The following HAVCR1 variants were observed in gnomAD, a reference collection of about 807,000 sequenced individuals.
HAVCR1 encodes the protein T cell immunoglobin domain and mucin domain protein 1.
In HAVCR1, 34 loss-of-function variants were observed where a neutral mutation model predicts 32.0. The ratio of observed to expected loss-of-function variants is 1.06; its 90% confidence interval spans 0.81 to 1.42. HAVCR1 has a LOEUF of 1.42. Ranked by LOEUF, HAVCR1 falls within the 40% of genes most tolerant of loss-of-function variation. HAVCR1 has a pLI of 0.00. For missense variants in HAVCR1, 420 were observed against 442.3 expected (o/e 0.95, Z 0.45); for synonymous variants, 178 against 170.3 (o/e 1.05, Z -0.35).
At chr5:157,061,185 G>A (rs949804246), upstream of HAVCR1, among the ~76,000 whole-genome samples, 12 of 151,976 alleles carry the variant, frequency 7.9e-5, 1 homozygote, top group Admixed American at 2.6e-4. Context: ...GGTGTGAGCC[G>A]CCATGCCTGG....
intron 5 of HAVCR1, among the ~76,000 whole-genome samples, chr5:157,045,227 C>T: frequency 6.6e-6 from 1 of 151,356 alleles, no homozygotes; most frequent in East Asian, 1.9e-4. Flanking sequence ...CTCAAAATAT[C>T]TTAGTATTTG....
At chr5:157,050,003 T>C (rs1332612597) in intron 4 of HAVCR1, among the ~76,000 whole-genome samples, 2 of 152,242 alleles carry the variant, frequency 1.3e-5, no homozygotes, top group Admixed American at 6.5e-5. Context: ...AGCATTTACA[T>C]GATTCCCTTC....
upstream of HAVCR1, among the ~76,000 whole-genome samples, chr5:157,059,770 G>A (rs1756429834): frequency 6.6e-6 from 1 of 152,190 alleles, no homozygotes; most frequent in Admixed American, 6.5e-5. Flanking sequence ...GATCACCTGA[G>A]GTAAGGAGTT....
At chr5:157,066,930 T>A in the HAVCR1 span, among the ~76,000 whole-genome samples, 1 of 151,896 alleles carries the variant, frequency 6.6e-6, no homozygotes, top group Non-Finnish European at 1.5e-5. Context: ...CTACTAAAAA[T>A]ACAAAATTAG....
chr5:157,047,034 C>T (rs1376185585), intron 5 of HAVCR1, among the ~76,000 whole-genome samples: 1 of 152,152 alleles, frequency 6.6e-6, no homozygotes, highest in Non-Finnish European at 1.5e-5. Context: ...TGCATGGTTC[C>T]TGGCTCATAA....
rs1032762669 is a variant in HAVCR1 at position 157,058,991 on chromosome 5, T to G, written c.-83A>C. 1 of 152,208 alleles carries G rather than the reference T, an allele frequency of 6.6e-6. No homozygotes were observed. Among genetic ancestry groups the G allele is most frequent in the Non-Finnish European group, 1.5e-5 (1 of 68,038 alleles). 9.4% of individuals were successfully genotyped at this position (152,208 alleles called of 1,614,324 possible). On this transcript the variant is annotated 5_prime_UTR_variant, in exon 1 of 9. Coordinates refer to ENST00000523175, the MANE Select transcript of HAVCR1 (RefSeq NM_001173393.3). ...AGTTCCTGAGTTCTCTTCAAACCTC[T>G]ATTTCCTCAGTTGTAAAATAGCACT...
At chr5:157,030,447 C>T (rs765485620) in intron 8 of HAVCR1, among the ~76,000 whole-genome samples, 17 of 152,160 alleles carry the variant, frequency 1.1e-4, no homozygotes, top group Admixed American at 2.6e-4. Flanking sequence ...AGGAGGATCC[C>T]TTGAGGCCAG....
intron 2 of HAVCR1, among the ~76,000 whole-genome samples, chr5:157,057,407 G>GAAAGAAAT (rs1294821606): frequency 3.1e-5 from 3 of 97,662 alleles, no homozygotes; most frequent in African/African-American, 1.0e-4. Context: ...AAGAAAGAAA[G>GAAAGAAAT]AAAGAAAGAA....
chr5:157,029,570 T>G lies in HAVCR1; in HGVS notation c.*163A>C. 2 of 1,526,120 alleles carry G rather than the reference T, an allele frequency of 1.3e-6. No homozygotes were observed. Among genetic ancestry groups the G allele is most frequent in the Non-Finnish European group, 1.8e-6 (2 of 1,136,354 alleles). 94.5% of individuals were successfully genotyped at this position (1,526,120 alleles called of 1,614,324 possible). A position where few individuals can be genotyped will look rare whatever the true frequency, so the allele number is the denominator to read the frequency against. ...ATGATGAGGTTGACTATACACAGTTTGGAGTGAGAGAGTTACTCTACCCAG... is the reference window on the plus strand; with the variant it reads ...ATGATGAGGTTGACTATACACAGTTGGGAGTGAGAGAGTTACTCTACCCAG... On this transcript the variant is annotated 3_prime_UTR_variant, in exon 9 of 9. Coordinates refer to ENST00000523175, the MANE Select transcript of HAVCR1 (RefSeq NM_001173393.3).
chr5:157,036,260 C>A (rs1288786346), intron 7 of HAVCR1, among the ~76,000 whole-genome samples: 1 of 152,188 alleles, frequency 6.6e-6, no homozygotes, highest in Admixed American at 6.5e-5. Context: ...AGGCGGATCA[C>A]AAGGTCAGGA....
chr5:157,054,025 A>G (rs568435271), intron 3 of HAVCR1, among the ~76,000 whole-genome samples: 10 of 150,222 alleles, frequency 6.7e-5, no homozygotes, highest in South Asian at 6.3e-4. Context: ...TACAAAAAAA[A>G]TTTTAAAAAT....
intron 8 of HAVCR1, among the ~76,000 whole-genome samples, chr5:157,030,335 G>C (rs1313047019): frequency 6.6e-6 from 1 of 152,150 alleles, no homozygotes; most frequent in African/African-American, 2.4e-5. Context: ...TAGTTAAATA[G>C]TACTGTTTCA....
In HAVCR1 at chr5:157,029,681, G is replaced by A; in HGVS notation, c.*52C>T. ...AAAGACGTCTGATGTGCTGATGTCT[G>A]TTCAGTCTTCTGCACTCATGGGCGT... On this transcript the variant is annotated 3_prime_UTR_variant, in exon 9 of 9. Coordinates refer to ENST00000523175, the MANE Select transcript of HAVCR1 (RefSeq NM_001173393.3). 1.2e-6 allele frequency: 2 copies of A among 1,610,304 alleles called. No individual in the cohort carries two copies. The highest frequency in any genetic ancestry group is 1.3e-5 in the African/African-American group (1 of 74,994).
chr5:157,048,479 T>C (rs1755538481), intron 5 of HAVCR1, among the ~76,000 whole-genome samples: 2 of 152,218 alleles, frequency 1.3e-5, no homozygotes, highest in Admixed American at 6.5e-5. Context: ...CCCAAATCTT[T>C]CATCCCATTT....
intron 6 of HAVCR1, among the ~76,000 whole-genome samples, chr5:157,041,384 G>A (rs985247946): frequency 3.2e-4 from 48 of 152,148 alleles, no homozygotes; most frequent in Admixed American, 3.1e-3. Flanking sequence ...TGTAATCCTA[G>A]CTACTTGGAA....
At chr5:157,037,224 G>T in intron 7 of HAVCR1, 23 bp downstream of exon 7, 1 of 1,218,192 alleles carries the variant, frequency 8.2e-7, no homozygotes, top group Non-Finnish European at 1.2e-6. Flanking sequence ...TTGTCCCTTA[G>T]GAACAATCTC....
chr5:157,066,539 G>A, the HAVCR1 span, among the ~76,000 whole-genome samples: 3 of 117,060 alleles, frequency 2.6e-5, no homozygotes, highest in Non-Finnish European at 5.2e-5. Flanking sequence ...AAAAATGGAA[G>A]GAGAAAATCC....
chr5:157,037,756 C>A (rs1404273385), intron 6 of HAVCR1, among the ~76,000 whole-genome samples: 1 of 152,180 alleles, frequency 6.6e-6, no homozygotes, highest in African/African-American at 2.4e-5. Flanking sequence ...GGCATGGTAG[C>A]TCACATCTCT....
chr5:157,029,678 T>C lies in HAVCR1; in HGVS notation c.*55A>G, dbSNP rs1306961488. 4 of 1,609,848 alleles carry C rather than the reference T, an allele frequency of 2.5e-6. No individual in the cohort carries two copies. The highest frequency in any genetic ancestry group is 3.4e-6 in the Non-Finnish European group (4 of 1,178,938). On this transcript the variant is annotated 3_prime_UTR_variant, in exon 9 of 9. Transcript: ENST00000523175. The stretch of plus-strand genomic sequence containing the variant: ...CTAAAAGACGTCTGATGTGCTGATG[T>C]CTGTTCAGTCTTCTGCACTCATGGG...
Sources: allele counts gnomAD v4.1 joint callset (sites outside exome capture counted in the v4.1 genomes callset), GRCh38; gene constraint gnomAD v4.1.1; transcripts MANE v1.5; gene names NCBI Gene and HGNC (gene_info 2026-07-23, HGNC 2026-07-21).